Variants in PLCB1 observed in about 807,000 individuals in gnomAD.
PLCB1 encodes 1-phosphatidylinositol 4,5-bisphosphate phosphodiesterase beta-1.
Under a neutral mutation model 161.8 loss-of-function variants are expected in PLCB1, and 46 were observed. The ratio of observed to expected loss-of-function variants is 0.28; its 90% CI spans 0.22 to 0.36. The LOEUF is 0.36. Among genes scored for constraint, PLCB1 ranks in the 10% least tolerant of loss-of-function variants. The pLI, the probability that PLCB1 is intolerant of heterozygous loss-of-function variation, is 1.00. For missense variants in PLCB1, 1,016 were observed against 1,472.5 expected, an observed-to-expected ratio of 0.69 and a Z score of 5.07; for synonymous variants, 517 against 503.7, an observed-to-expected ratio of 1.03 and a Z score of -0.35.
intron 31 of PLCB1, among the ~76,000 whole-genome samples, chr20:8,847,054 T>G (rs1986714361): frequency 6.6e-6 from 1 of 152,204 alleles, no homozygotes; most frequent in Non-Finnish European, 1.5e-5. Flanking sequence ...GATCTTGATA[T>G]GGTCATTTCA....
intron 9 of PLCB1, among the ~76,000 whole-genome samples, chr20:8,670,328 C>T (rs1015286090): frequency 5.3e-5 from 8 of 152,244 alleles, no homozygotes; most frequent in Non-Finnish European, 1.0e-4. Flanking sequence ...CTTTGAAAAA[C>T]GGAAAGTGCT....
chr20:8,636,548 G>A (rs752971828), intron 4 of PLCB1, among the ~76,000 whole-genome samples: 5 of 152,098 alleles, frequency 3.3e-5, no homozygotes, highest in Non-Finnish European at 7.4e-5. Flanking sequence ...AAAGACATTC[G>A]TATTAAAAAG....
At chr20:8,356,669 T>G (rs947946428) in intron 2 of PLCB1, among the ~76,000 whole-genome samples, 1 of 152,134 alleles carries the variant, frequency 6.6e-6, no homozygotes, top group East Asian at 1.9e-4. Context: ...GTACATAGAG[T>G]CTTCTGTACT....
chr20:8,736,848 A>G (rs901852273), intron 19 of PLCB1, among the ~76,000 whole-genome samples, 180 bp from the exon 20 acceptor site: 1 of 152,084 alleles, frequency 6.6e-6, no homozygotes, highest in Non-Finnish European at 1.5e-5. Flanking sequence ...ATAGAACCAA[A>G]CCATATCATA....
chr20:8,233,359 G>A (rs576278899), intron 2 of PLCB1, among the ~76,000 whole-genome samples: 1 of 152,218 alleles, frequency 6.6e-6, no homozygotes, highest in African/African-American at 2.4e-5. Context: ...AAGACAATAA[G>A]AATGAATCCT....
chr20:8,560,655 T>C (rs1037938419), intron 3 of PLCB1, among the ~76,000 whole-genome samples: 2 of 151,972 alleles, frequency 1.3e-5, no homozygotes, highest in African/African-American at 2.4e-5. Context: ...TTAAATGTCA[T>C]CTTTTTTTGT....
chr20:8,182,574 CT>C (rs1293293143), intron 2 of PLCB1, among the ~76,000 whole-genome samples: 14 of 137,270 alleles, frequency 1.0e-4, no homozygotes, highest in Non-Finnish European at 1.7e-4. Flanking sequence ...AGTTGATTAT[CT>C]TTTTTTTCTT....
At chr20:8,316,331 T>A (rs1285167830) in intron 2 of PLCB1, among the ~76,000 whole-genome samples, 3 of 152,192 alleles carry the variant, frequency 2.0e-5, no homozygotes, top group Non-Finnish European at 4.4e-5. Flanking sequence ...GAGCCAGTCC[T>A]GAAAGACACT....
chr20:8,294,474 A>G (rs1197692772), intron 2 of PLCB1, among the ~76,000 whole-genome samples: 1 of 151,998 alleles, frequency 6.6e-6, no homozygotes, highest in Non-Finnish European at 1.5e-5. Flanking sequence ...ATATGCATAT[A>G]TATACACATA....
intron 2 of PLCB1, among the ~76,000 whole-genome samples, chr20:8,296,767 C>T (rs1306057326): frequency 2.6e-5 from 4 of 152,136 alleles, no homozygotes; most frequent in South Asian, 4.2e-4. Context: ...CTGGAGTCAT[C>T]GGGGATGCTT....
chr20:8,145,311 T>C (rs2051442623), intron 1 of PLCB1, among the ~76,000 whole-genome samples: 1 of 152,172 alleles, frequency 6.6e-6, no homozygotes, highest in Admixed American at 6.5e-5. Context: ...CCAGTCATAC[T>C]GGATTAGGGC....
rs572937266 is a variant in PLCB1, at chr20:8,252,107, A to G, written c.177+101736A>G. ...TGGGGGAGTGAGGTTAGAGTGGTACATCTATCATAGACTGGATAGAAAGGA... is the reference window on the plus strand; with the variant it reads ...TGGGGGAGTGAGGTTAGAGTGGTACGTCTATCATAGACTGGATAGAAAGGA... On this transcript the variant is annotated intron_variant, in intron 2 of 31. Coordinates refer to ENST00000338037, the MANE Select transcript of PLCB1 (RefSeq NM_015192.4). Among the ~76,000 whole-genome samples the G allele has an allele frequency of 2.3e-3, 344 of 152,070 alleles. 1 individual carries two copies. Among genetic ancestry groups the G allele is most frequent in the Non-Finnish European group, 3.5e-3 (241 of 67,944 alleles).
intron 31 of PLCB1, among the ~76,000 whole-genome samples, chr20:8,836,847 G>A (rs1986306461): frequency 6.6e-6 from 1 of 152,136 alleles, no homozygotes; most frequent in South Asian, 2.1e-4. Flanking sequence ...TGATCTCAAA[G>A]CTGCTATGTC....
intron 2 of PLCB1, among the ~76,000 whole-genome samples, chr20:8,343,076 C>T (rs16994692): frequency 0.26 from 38,832 of 152,132 alleles, 5,311 homozygotes; most frequent in South Asian, 0.39. Context: ...ATTCCCACAG[C>T]GACTCTCCCT....
chr20:8,534,278 G>A lies in PLCB1; in HGVS notation c.247-94016G>A, dbSNP rs182038878. On this transcript the variant is annotated intron_variant, in intron 3 of 31. Coordinates refer to ENST00000338037, the MANE Select transcript of PLCB1 (RefSeq NM_015192.4). ...CCATGCCCGGTTATTCTGGCTTCAA[G>A]CAATTCTCCCACCTCAGCCTCCCAA... Among the ~76,000 whole-genome samples the A allele has an allele frequency of 4.8e-3, 728 of 152,278 alleles. 5 individuals carry two copies. The highest frequency in any genetic ancestry group is 0.015 in the African/African-American group (644 of 41,566).
intron 31 of PLCB1, among the ~76,000 whole-genome samples, chr20:8,809,952 C>G (rs1337636555): frequency 6.6e-6 from 1 of 152,208 alleles, no homozygotes; most frequent in African/African-American, 2.4e-5. Flanking sequence ...GCTGCTAGTA[C>G]TAGCTCACAG....
intron 2 of PLCB1, among the ~76,000 whole-genome samples, chr20:8,271,737 A>T (rs1322822339): frequency 1.3e-5 from 2 of 152,148 alleles, no homozygotes; most frequent in Non-Finnish European, 2.9e-5. Flanking sequence ...AATCTCTTGG[A>T]ACCAACCAAG....
At chr20:8,824,590 A>G (rs1237370363) in intron 31 of PLCB1, among the ~76,000 whole-genome samples, 4 of 152,206 alleles carry the variant, frequency 2.6e-5, no homozygotes, top group Admixed American at 2.6e-4. Flanking sequence ...TACTGAGATG[A>G]TGAGGCTTGC....
intron 10 of PLCB1, among the ~76,000 whole-genome samples, chr20:8,689,071 G>A (rs111603118): frequency 7.5e-6 from 1 of 133,676 alleles, no homozygotes; most frequent in African/African-American, 2.9e-5. Context: ...CCTTTTTTAG[G>A]TATATTCCTC....
Sources: allele counts gnomAD v4.1 joint callset (sites outside exome capture counted in the v4.1 genomes callset), GRCh38; gene constraint gnomAD v4.1.1; transcripts MANE v1.5; gene names NCBI Gene and HGNC (gene_info 2026-07-23, HGNC 2026-07-21).